Variants in ECPAS observed in about 807,000 individuals in gnomAD.
ECPAS encodes the protein proteasome adapter and scaffold protein ECM29.
A neutral mutation model predicts 255.1 loss-of-function variants in ECPAS; 70 were observed. The ratio of observed to expected loss-of-function variants is 0.27; its 90% CI spans 0.23 to 0.33. The LOEUF is 0.33. Ranked by LOEUF, ECPAS falls within the 10% of genes least tolerant of loss-of-function variation. The probability of loss-of-function intolerance (pLI) is 1.00; values close to 1 mark genes in which losing one functional copy is unlikely to be tolerated. For synonymous variants in ECPAS, 784 were observed against 775.0 expected (o/e 1.01, Z -0.19); for missense variants, 1,817 against 2,206.4 (o/e 0.82, Z 3.54).
intron 30 of ECPAS, 50 bp from the exon 31 acceptor site, chr9:111,389,773 T>C (rs759089484): frequency 3.3e-5 from 50 of 1,531,100 alleles, no homozygotes; most frequent in Non-Finnish European, 3.7e-5. Context: ...TAGTAAAATA[T>C]TAACATAGCA....
intron 24 of ECPAS, among the ~76,000 whole-genome samples, chr9:111,397,655 G>A (rs1261332044): frequency 6.6e-6 from 1 of 152,122 alleles, no homozygotes; most frequent in East Asian, 1.9e-4. Context: ...ATGCTTGATT[G>A]TGGTTACTCC....
chr9:111,389,843 A>T (rs1218531431), intron 30 of ECPAS, 120 bp from the exon 31 acceptor site: 1 of 1,217,552 alleles, frequency 8.2e-7, no homozygotes, highest in African/African-American at 1.5e-5. Context: ...CTTTCCAATC[A>T]ACAGCATTTG....
intron 49 of ECPAS, 108 bp from the exon 50 acceptor site, chr9:111,362,277 C>T: frequency 1.1e-6 from 1 of 873,136 alleles, no homozygotes; most frequent in Non-Finnish European, 1.7e-6. Flanking sequence ...TAAAAATATC[C>T]TATCCCCCAA....
intron 46 of ECPAS, among the ~76,000 whole-genome samples, chr9:111,367,063 C>T (rs1440604483): frequency 6.6e-6 from 1 of 152,216 alleles, no homozygotes; most frequent in Non-Finnish European, 1.5e-5. Context: ...TGCTCACAAG[C>T]TTCTGCAAAT....
In ECPAS at chr9:111,408,662, C is replaced by T. The variant is rs867981319; in HGVS notation, c.2561G>A (p.Arg854Gln). The T allele has an allele frequency of 6.4e-7, 1 of 1,570,364 alleles. No homozygotes were observed. Among genetic ancestry groups the T allele is most frequent in the Non-Finnish European group, 8.6e-7 (1 of 1,159,842 alleles). The change falls in exon 24 of 50, where the codon CGA becomes CAA. Residue 854 changes from arginine (R) to glutamine (Q), a missense_variant. By Grantham distance (43) the Arg-to-Gln change is conservative (BLOSUM62 1). Coordinates refer to ENST00000684092, the MANE Select transcript of ECPAS (RefSeq NM_001364929.1). ...SSKETNKMKE[R>Q]AIQTLGYFPV... is the part of the protein sequence containing the mutation. ...AAAATATCCCAGTGTTTGGATTGCT[C>T]GTTCTTTCATCTGGAAGAACACCAA...
chr9:111,375,051 T>A, intron 38 of ECPAS, 62 bp downstream of exon 38: 1 of 1,204,570 alleles, frequency 8.3e-7, no homozygotes, highest in Non-Finnish European at 1.2e-6. Flanking sequence ...ATGATGGCTG[T>A]TATATCCTTA....
intron 2 of ECPAS, among the ~76,000 whole-genome samples, chr9:111,470,316 C>CTT (rs1011956272): frequency 1.4e-5 from 2 of 143,496 alleles, no homozygotes; most frequent in African/African-American, 5.1e-5. Flanking sequence ...TTTCCCTGGC[C>CTT]TTTTTTTTTT....
At chr9:111,462,276 G>A (rs1024599222) in intron 2 of ECPAS, among the ~76,000 whole-genome samples, 2 of 152,158 alleles carry the variant, frequency 1.3e-5, no homozygotes, top group Non-Finnish European at 2.9e-5. Context: ...TATAACTGTG[G>A]AGCTGGAAAT....
At chr9:111,439,869 T>A (rs754357606) in intron 6 of ECPAS, among the ~76,000 whole-genome samples, 1 of 151,362 alleles carries the variant, frequency 6.6e-6, no homozygotes, top group Non-Finnish European at 1.5e-5. Flanking sequence ...CAAAACTAGA[T>A]GATAGCAGTG....
chr9:111,416,384 T>C (rs1284512431), intron 17 of ECPAS, 32 bp from the exon 18 acceptor site: 1 of 1,541,560 alleles, frequency 6.5e-7, no homozygotes, highest in South Asian at 1.1e-5. Flanking sequence ...CAGACACAAT[T>C]ACTGAAAAAT....
intron 24 of ECPAS, among the ~76,000 whole-genome samples, chr9:111,403,573 T>C (rs149262251): frequency 6.7e-6 from 1 of 149,916 alleles, no homozygotes; most frequent in Non-Finnish European, 1.5e-5. Context: ...AGGTTATAAA[T>C]ATATATGCAA....
rs1453309917 is a variant in ECPAS, at chr9:111,428,054, TG to T, written c.1037del (p.Pro346GlnfsTer20). 1 of 1,613,226 alleles carries T rather than the reference TG, an allele frequency of 6.2e-7. No homozygotes were observed. ...LRSRQAAETF[P>X]ANIQVVYDGL... ...AAAAACAAATTACCTGAATGTTGGC[TG>T]GGAACGTTTCAGCAGCTTGTCTAGA... On this transcript the variant is annotated frameshift_variant, in exon 10 of 50. Coordinates refer to ENST00000684092, the MANE Select transcript of ECPAS (RefSeq NM_001364929.1). LOFTEE classifies it high-confidence loss of function.
At chr9:111,421,723 A>AT (rs1419677792) in intron 15 of ECPAS, among the ~76,000 whole-genome samples, 198 bp downstream of exon 15, 4 of 152,142 alleles carry the variant, frequency 2.6e-5, no homozygotes, top group Non-Finnish European at 5.9e-5. Context: ...AGCTCTAAAC[A>AT]TAAGCATCGC....
chr9:111,382,056 G>A (rs1043743647), intron 35 of ECPAS, among the ~76,000 whole-genome samples: 1 of 150,486 alleles, frequency 6.6e-6, no homozygotes, highest in Non-Finnish European at 1.5e-5. Flanking sequence ...ATCCTTCCTA[G>A]GCAATGCTGT....
chr9:111,423,270 G>T (rs779771430), intron 12 of ECPAS, 22 bp from the exon 13 acceptor site: 1 of 1,487,106 alleles, frequency 6.7e-7, no homozygotes, highest in South Asian at 1.2e-5. Flanking sequence ...AAAAAGAAAA[G>T]AAAGAAAAGA....
Position 111,361,749 on chromosome 9 carries a change from A to G in ECPAS, c.*281T>C, listed in dbSNP as rs1411525901. The G allele has an allele frequency of 4.1e-6, 1 of 243,004 alleles. No homozygotes were observed. The highest frequency in any genetic ancestry group is 8.1e-5 in the East Asian group (1 of 12,408). The allele number at this position is 243,004 out of a possible 1,614,324, so 15.1% of individuals were successfully genotyped here. A position where few individuals can be genotyped will look rare whatever the true frequency, so the allele number is the denominator to read the frequency against. Reference sequence around the variant, plus strand: ...ACTCTGTCTATTAATTCCTTTAATAACAGCTTGAACTCTTTTAGTAACTAT... The same window carrying G: ...ACTCTGTCTATTAATTCCTTTAATAGCAGCTTGAACTCTTTTAGTAACTAT... On this transcript the variant is annotated 3_prime_UTR_variant, in exon 50 of 50. Coordinates refer to ENST00000684092, the MANE Select transcript of ECPAS (RefSeq NM_001364929.1).
intron 2 of ECPAS, among the ~76,000 whole-genome samples, chr9:111,458,815 A>C (rs1238019029): frequency 6.6e-6 from 1 of 152,182 alleles, no homozygotes; most frequent in Non-Finnish European, 1.5e-5. Context: ...AAGTACCCTG[A>C]CACAACACAA....
rs1464207656 is a variant in ECPAS at position 111,378,484 on chromosome 9, G to GT, written c.3954+95dup. On this transcript the variant is annotated intron_variant, in intron 36 of 49. Transcript: ENST00000684092. ...ATGTGGTGACAGAGGGTGAGTTCTG[G>GT]TAACAGTAGTGACAGTGTCATTCAA... 17 of 1,280,390 alleles carry GT rather than the reference G, an allele frequency of 1.3e-5. No individual in the cohort carries two copies. In the Admixed American group the frequency reaches 2.7e-4, roughly 20 times the overall value. The allele number at this position is 1,280,390 out of a possible 1,614,324, so 79.3% of individuals were successfully genotyped here.
intron 12 of ECPAS, among the ~76,000 whole-genome samples, chr9:111,423,934 C>T (rs1181028063): frequency 6.6e-6 from 1 of 152,198 alleles, no homozygotes; most frequent in African/African-American, 2.4e-5. Context: ...TAAATGGCTA[C>T]TCTTATGGAT....
Sources: gnomAD v4.1 joint callset for allele counts (sites outside exome capture counted in the v4.1 genomes callset) on GRCh38, gnomAD v4.1.1 for gene constraint, MANE v1.5 for transcripts, NCBI Gene and HGNC (gene_info 2026-07-23, HGNC 2026-07-21) for gene names.